WDR27: variants seen among roughly 807,000 people sequenced by gnomAD.
WDR27 encodes the protein WD repeat-containing protein 27.
A neutral mutation model predicts 114.4 loss-of-function variants in WDR27; 100 were observed. The observed-to-expected ratio is 0.87, with a 90% CI of 0.74 to 1.03. The LOEUF (loss-of-function observed/expected upper bound fraction) is 1.03. Ranked by LOEUF, WDR27 falls within the 50% of genes least tolerant of loss-of-function variation. WDR27 has a pLI of 0.00. For synonymous variants in WDR27, 449 were observed against 423.1 expected, an observed-to-expected ratio of 1.06 and a Z score of -0.75; for missense variants, 1,129 against 1,092.9, an observed-to-expected ratio of 1.03 and a Z score of -0.47.
intron 25 of WDR27, among the ~76,000 whole-genome samples, chr6:169,474,586 G>C (rs1347519021): frequency 2.0e-5 from 3 of 152,136 alleles, no homozygotes; most frequent in Non-Finnish European, 4.4e-5. Context: ...ATCATCCAGA[G>C]TGTAACTCAT....
chr6:169,510,539 C>A (rs1240713404), intron 25 of WDR27, among the ~76,000 whole-genome samples: 3 of 150,102 alleles, frequency 2.0e-5, no homozygotes, highest in Non-Finnish European at 4.4e-5. Context: ...GGACAAAAAA[C>A]CAAACACCGC....
chr6:169,488,253 G>C (rs2115421482), intron 25 of WDR27, among the ~76,000 whole-genome samples: 1 of 152,378 alleles, frequency 6.6e-6, no homozygotes, highest in Non-Finnish European at 1.5e-5. Flanking sequence ...CTCTAGCGTG[G>C]TTGCCGCTGT....
At chr6:169,632,649 C>A (rs915795636) in intron 21 of WDR27, among the ~76,000 whole-genome samples, 1 of 152,182 alleles carries the variant, frequency 6.6e-6, no homozygotes, top group Admixed American at 6.5e-5. Flanking sequence ...CCATGCAATC[C>A]ATTATTGCTT....
chr6:169,662,397 G>T lies in WDR27; in HGVS notation c.932C>A (p.Ala311Asp), dbSNP rs35036715. Reference protein sequence around the residue: ...PEESQLPSTSALGKGEQVEVT... With the variant: ...PEESQLPSTSDLGKGEQVEVT... ...TTCAACCTGCTCTCCTTTTCCCAGA[G>T]CACTTGTAGAGGGAAGCTGGCTTTC... The change falls in exon 9 of 26, where the codon GCT (alanine) becomes GAT (aspartate). Residue 311 changes from alanine (A) to aspartate (D), a missense_variant. Transcript: ENST00000448612. 8.1e-6 allele frequency: 13 copies of T among 1,613,916 alleles called. No individual in the cohort carries two copies. The Middle Eastern group carries it at 4.9e-4, about 61-fold the overall frequency.
Position 169,649,258 on chromosome 6 carries a change from G to A in WDR27, c.1499C>T (p.Pro500Leu), listed in dbSNP as rs34313252. 3.2e-3 allele frequency: 5,079 copies of A among 1,574,488 alleles called. 140 individuals carry two copies. The African/African-American group carries it at 0.062, about 19-fold the overall frequency. Reference sequence around the variant, plus strand: ...CCCCTCACTCTTGATGTTGGTCTTTGGTGAAAACATAGTTACACTGTGGAA... The same window carrying A: ...CCCCTCACTCTTGATGTTGGTCTTTAGTGAAAACATAGTTACACTGTGGAA... ...ASAPHVTMFS[P>L]KTNIKSEGKG... Residue 500 changes from proline to leucine, a missense_variant, in exon 15 of 26, where the codon CCA (proline) becomes CTA (leucine). Physicochemically the swap from Pro to Leu is moderately conservative, Grantham distance 98. Coordinates refer to ENST00000448612, the MANE Select transcript of WDR27 (RefSeq NM_182552.5).
chr6:169,496,057 G>T (rs773984621), intron 25 of WDR27, among the ~76,000 whole-genome samples: 5 of 151,906 alleles, frequency 3.3e-5, no homozygotes, highest in East Asian at 1.9e-4. Context: ...ATATTAAAAG[G>T]ATTACAAACC....
Position 169,512,061 on chromosome 6 carries a change from T to A in WDR27, c.2646-54427A>T, listed in dbSNP as rs573357332. On this transcript the variant is annotated intron_variant, in intron 25 of 25. Coordinates refer to ENST00000448612, the MANE Select transcript of WDR27 (RefSeq NM_182552.5). Reference sequence around the variant, plus strand: ...ATTTTAGTTCAAATAATAGAACAAATAGCTATAACCAGTATACATAAATTA... The same window carrying A: ...ATTTTAGTTCAAATAATAGAACAAAAAGCTATAACCAGTATACATAAATTA... Among the ~76,000 whole-genome samples, 9 of 152,294 alleles carry A rather than the reference T, an allele frequency of 5.9e-5. No individual in the cohort carries two copies. In the South Asian group the frequency reaches 1.7e-3, roughly 28 times the overall value.
At chr6:169,687,633 T>C (rs1358480558) in intron 2 of WDR27, among the ~76,000 whole-genome samples, 1 of 152,152 alleles carries the variant, frequency 6.6e-6, no homozygotes, top group Non-Finnish European at 1.5e-5. Flanking sequence ...GTACAACCAA[T>C]TTGGAAATCT....
chr6:169,455,495 A>G (rs1323879953), downstream of WDR27, among the ~76,000 whole-genome samples: 1 of 152,230 alleles, frequency 6.6e-6, no homozygotes, highest in South Asian at 2.1e-4. Flanking sequence ...TTATGGATAG[A>G]ATAGTACAGA....
chr6:169,639,927 G>A (rs1387666871), intron 17 of WDR27, among the ~76,000 whole-genome samples: 1 of 152,132 alleles, frequency 6.6e-6, no homozygotes, highest in Non-Finnish European at 1.5e-5. Flanking sequence ...CTCAGAGGTC[G>A]GCCCTGGAGC....
At chr6:169,541,637 A>G (rs2982407) in intron 25 of WDR27, among the ~76,000 whole-genome samples, 71,106 of 152,162 alleles carry the variant, frequency 0.47, 20,442 homozygotes, top group Non-Finnish European at 0.65. Flanking sequence ...AGCTTGGTCT[A>G]ACTGACAGAT....
chr6:169,687,015 G>A (rs546264371), intron 2 of WDR27, among the ~76,000 whole-genome samples: 19 of 152,208 alleles, frequency 1.2e-4, no homozygotes, highest in African/African-American at 4.6e-4. Context: ...GAAAAGAAGT[G>A]AGAGAAGGGA....
chr6:169,581,564 G>T (rs544107674), intron 24 of WDR27, among the ~76,000 whole-genome samples: 1 of 152,108 alleles, frequency 6.6e-6, no homozygotes, highest in African/African-American at 2.4e-5. Flanking sequence ...GACGTATGTC[G>T]CAGTATTATT....
At chr6:169,458,464 CCTATAGGAGCCAGACAGTAAAAAAT>C (rs1301299085) in intron 25 of WDR27, among the ~76,000 whole-genome samples, 26 of 152,166 alleles carry the variant, frequency 1.7e-4, no homozygotes, top group African/African-American at 5.8e-4. Flanking sequence ...TTCTCTTCCC[CCTATAGGAGCCAGACAGTAAAAAAT>C]GTATAGGAGC....
In WDR27 at chr6:169,670,562, A is replaced by G. The variant is rs1778442542; in HGVS notation, c.456+7T>C. The G allele has an allele frequency of 1.2e-6, 2 of 1,613,900 alleles. No homozygotes were observed. The highest frequency in any genetic ancestry group is 2.7e-5 in the African/African-American group (2 of 74,942). ...TTCCGTGAAATCCACGTGAATTTCA[A>G]TCTTACCTCAATATCCAGCATGAAT... On this transcript the variant is annotated splice_region_variant and intron_variant, in intron 4 of 25. Coordinates refer to ENST00000448612, the MANE Select transcript of WDR27 (RefSeq NM_182552.5).
chr6:169,518,322 G>C (rs1367432750), intron 25 of WDR27, among the ~76,000 whole-genome samples: 1 of 152,228 alleles, frequency 6.6e-6, no homozygotes, highest in Non-Finnish European at 1.5e-5. Context: ...GTTCTACATG[G>C]GGACTCTGCC....
intron 25 of WDR27, among the ~76,000 whole-genome samples, chr6:169,570,127 C>G (rs1037470375): frequency 1.3e-5 from 2 of 152,134 alleles, no homozygotes; most frequent in African/African-American, 2.4e-5. Context: ...GTGGACTCGG[C>G]AGATCTCTTG....
At chr6:169,653,746 GAT>G (rs1185801182) in intron 13 of WDR27, among the ~76,000 whole-genome samples, 1 of 152,224 alleles carries the variant, frequency 6.6e-6, no homozygotes, top group Non-Finnish European at 1.5e-5. Context: ...ATGAGGACAA[GAT>G]ATTGAAACTG....
intron 1 of WDR27, among the ~76,000 whole-genome samples, chr6:169,699,161 C>A (rs1266061241): frequency 2.0e-5 from 3 of 152,154 alleles, no homozygotes; most frequent in Admixed American, 6.5e-5. Context: ...AGCCAACACA[C>A]GGAATTGGAC....
Sources: gnomAD v4.1 joint callset for allele counts (sites outside exome capture counted in the v4.1 genomes callset) on GRCh38, gnomAD v4.1.1 for gene constraint, MANE v1.5 for transcripts, NCBI Gene and HGNC (gene_info 2026-07-23, HGNC 2026-07-21) for gene names.